The following PAX9 variants were observed in gnomAD, a reference collection of about 807,000 sequenced individuals.
PAX9 encodes paired box protein Pax-9.
Under a neutral mutation model 29.1 loss-of-function variants are expected in PAX9, and 6 were observed. The observed-to-expected ratio is 0.21, with a 90% CI of 0.11 to 0.41. The LOEUF (loss-of-function observed/expected upper bound fraction) is 0.41. Ranked by LOEUF, PAX9 falls within the 10% of genes least tolerant of loss-of-function variation. The pLI, the probability that PAX9 is intolerant of heterozygous loss-of-function variation, is 1.00. For missense variants in PAX9, 443 were observed against 479.1 expected, an observed-to-expected ratio of 0.92 and a Z score of 0.70; for synonymous variants, 217 against 211.7, an observed-to-expected ratio of 1.03 and a Z score of -0.22.
At chr14:36,666,786 A>C (rs546701400) in intron 3 of PAX9, among the ~76,000 whole-genome samples, 185 bp downstream of exon 3, 1 of 152,278 alleles carries the variant, frequency 6.6e-6, no homozygotes, top group East Asian at 1.9e-4. Flanking sequence ...TGGAAGGCGG[A>C]GCTGGGGCCT....
chr14:36,661,137 T>TGCGCTA (rs1302583302), upstream of PAX9, among the ~76,000 whole-genome samples: 1 of 152,264 alleles, frequency 6.6e-6, no homozygotes, highest in East Asian at 1.9e-4. Flanking sequence ...CTTGGGGCTG[T>TGCGCTA]GCGCTAGCGT....
Position 36,663,110 on chromosome 14 carries a change from G to T in PAX9, c.218G>T (p.Gly73Val), listed in dbSNP as rs1264059790. 1.9e-6 allele frequency: 3 copies of T among 1,613,994 alleles called. No individual in the cohort carries two copies. In the Admixed American group the frequency reaches 5.0e-5, roughly 27 times the overall value. ...TGSILPGAIG[G>V]SKPRVTTPTV... ...TCGATCTTGCCAGGAGCCATCGGGGGCAGCAAGCCCCGGGTCACTACCCCC... is the reference window on the plus strand; with the variant it reads ...TCGATCTTGCCAGGAGCCATCGGGGTCAGCAAGCCCCGGGTCACTACCCCC... Residue 73 changes from glycine to valine, a missense_variant, in exon 2 of 4, where the codon GGC becomes GTC. By Grantham distance (109) the Gly-to-Val change is moderately radical. Around this residue, in one of 2 missense-constraint regions of PAX9, gnomAD observed 107 missense variants for 161.9 expected, o/e 0.66. Transcript: ENST00000361487.
rs1435066139 is a variant in PAX9, at chr14:36,679,353, G to GTAA, written c.*2906_*2908dup. On this transcript the variant is annotated 3_prime_UTR_variant, in exon 4 of 4. Coordinates refer to ENST00000361487, the MANE Select transcript of PAX9 (RefSeq NM_001372076.1). ...TTCAAATGCTCTAAATTAATAAAAA[G>GTAA]TAATAATTACCATGTTATCTTTTAC... 1 of 973,068 alleles carries GTAA rather than the reference G, an allele frequency of 1.0e-6. No individual in the cohort carries two copies. The highest frequency in any genetic ancestry group is 1.8e-5 in the African/African-American group (1 of 56,888). 60.3% of individuals were successfully genotyped at this position (973,068 alleles called of 1,614,324 possible). A position where few individuals can be genotyped will look rare whatever the true frequency, so the allele number is the denominator to read the frequency against.
chr14:36,671,151 C>A, intron 3 of PAX9: 1 of 387,108 alleles, frequency 2.6e-6, no homozygotes, highest in South Asian at 1.9e-5. Context: ...AAGGTAAATT[C>A]ATTTTATCAT....
At chr14:36,665,285 C>T (rs879405485) in intron 2 of PAX9, among the ~76,000 whole-genome samples, 13 of 151,232 alleles carry the variant, frequency 8.6e-5, no homozygotes, top group Non-Finnish European at 1.9e-4. Context: ...AAAGGAGCAA[C>T]TTTTCCTTTC....
At chr14:36,659,334 T>C (rs1212612342), upstream of PAX9, among the ~76,000 whole-genome samples, 2 of 152,080 alleles carry the variant, frequency 1.3e-5, no homozygotes, top group Non-Finnish European at 2.9e-5. Flanking sequence ...TTTCTCTGCC[T>C]CAGATCCGTC....
chr14:36,665,065 G>C (rs142646555), intron 2 of PAX9, among the ~76,000 whole-genome samples: 34 of 151,488 alleles, frequency 2.2e-4, no homozygotes, highest in Non-Finnish European at 4.6e-4. Context: ...CCTTTTGTCT[G>C]GGAAGGCAAA....
At chr14:36,671,454 T>G (rs1346684686) in intron 3 of PAX9, among the ~76,000 whole-genome samples, 2 of 152,132 alleles carry the variant, frequency 1.3e-5, no homozygotes, top group Non-Finnish European at 2.9e-5. Context: ...TTCAACAGCT[T>G]TATTCATTTT....
At chr14:36,673,977 G>C (rs896357344) in intron 3 of PAX9, among the ~76,000 whole-genome samples, 1 of 152,172 alleles carries the variant, frequency 6.6e-6, no homozygotes. Context: ...ACCACATACA[G>C]ATGTGAACAC....
At chr14:36,662,811 C>T in intron 1 of PAX9, 86 bp from the exon 2 acceptor site, 2 of 1,521,602 alleles carry the variant, frequency 1.3e-6, no homozygotes, top group Non-Finnish European at 1.8e-6. Flanking sequence ...TTCGCCCAGT[C>T]CCCGGATGCG....
chr14:36,663,301 C>T lies in PAX9; in HGVS notation c.409C>T (p.Gln137Ter), dbSNP rs764595344. 6.2e-7 allele frequency: 1 copy of T among 1,614,172 alleles called. No homozygotes were observed. Among genetic ancestry groups the T allele is most frequent in the South Asian group, 1.1e-5 (1 of 91,086 alleles). The change falls in exon 2 of 4, where the codon CAG becomes TAG. Residue 137 changes from glutamine (Q) to a stop codon, truncating the protein, a stop_gained. Coordinates refer to ENST00000361487, the MANE Select transcript of PAX9 (RefSeq NM_001372076.1). LOFTEE classifies it high-confidence loss of function. ...CAACAAGATCGGCAACTTGGCCCAG[C>T]AGGGTCATTACGACTCATACAAGCA... ...LRNKIGNLAQ[Q>*]GHYDSYKQHQ...
intron 3 of PAX9, among the ~76,000 whole-genome samples, chr14:36,673,020 C>T (rs987338364): frequency 1.3e-5 from 2 of 151,614 alleles, no homozygotes; most frequent in African/African-American, 4.8e-5. Flanking sequence ...CACCTGCCAC[C>T]ACACCCGGCT....
chr14:36,673,749 A>G (rs1260969267), intron 3 of PAX9, among the ~76,000 whole-genome samples: 1 of 152,234 alleles, frequency 6.6e-6, no homozygotes, highest in East Asian at 1.9e-4. Flanking sequence ...TGAAAAATAG[A>G]ACTCGCCAAC....
chr14:36,678,081 C>A lies in PAX9; in HGVS notation c.*1629C>A, dbSNP rs1278348406. The A allele has an allele frequency of 2.9e-5, 5 of 175,344 alleles. No homozygotes were observed. Among genetic ancestry groups the A allele is most frequent in the Admixed American group, 1.2e-4 (2 of 16,482 alleles). 10.9% of individuals were successfully genotyped at this position (175,344 alleles called of 1,614,324 possible). ...ATTCTGTGCAATAACTAAAAGAGCA[C>A]CTCACTGGATATGGATGTTGAAGAT... On this transcript the variant is annotated 3_prime_UTR_variant, in exon 4 of 4. Transcript: ENST00000361487.
chr14:36,662,846 T>TGTCCCAAGCAGCGGGTGCGC, intron 1 of PAX9, 51 bp from the exon 2 acceptor site: 1 of 1,578,274 alleles, frequency 6.3e-7, no homozygotes, highest in Non-Finnish European at 8.6e-7. Flanking sequence ...GGCAGGCAGC[T>TGTCCCAAGCAGCGGGTGCGC]GTCCCAAGCA....
At chr14:36,661,858 T>C, upstream of PAX9, 1 of 619,602 alleles carries the variant, frequency 1.6e-6, no homozygotes, top group Non-Finnish European at 2.9e-6. Flanking sequence ...CCTGCCCTGC[T>C]CAGCCCAGCC....
intron 3 of PAX9, among the ~76,000 whole-genome samples, chr14:36,668,590 T>C (rs1259702033): frequency 2.6e-5 from 4 of 152,134 alleles, no homozygotes; most frequent in Non-Finnish European, 5.9e-5. Flanking sequence ...GGTTTCACCA[T>C]GTTGGCCTGG....
chr14:36,662,860 G>A (rs1453147033), intron 1 of PAX9, 37 bp from the exon 2 acceptor site: 1 of 1,588,380 alleles, frequency 6.3e-7, no homozygotes, highest in African/African-American at 1.3e-5. Context: ...CCAAGCAGCG[G>A]GTGCGCGTCC....
At position 36,663,166 on chromosome 14, in the gene PAX9, C is replaced by A. The variant is rs761722767; in HGVS notation, c.274C>A (p.Gln92Lys). ...GGTGAAACACATCCGGACCTACAAGCAGAGAGACCCCGGCATCTTCGCCTG... is the reference window on the plus strand; with the variant it reads ...GGTGAAACACATCCGGACCTACAAGAAGAGAGACCCCGGCATCTTCGCCTG... ...TVVKHIRTYK[Q>K]RDPGIFAWEI... The change falls in exon 2 of 4, where the codon CAG becomes AAG. Residue 92 changes from glutamine to lysine, a missense_variant. Physicochemically the swap from Gln to Lys is moderately conservative, Grantham distance 53. This residue lies in a region of PAX9 where 107 missense variants were observed against 161.9 expected (regional missense o/e 0.66). Transcript: ENST00000361487. The A allele has an allele frequency of 6.2e-7, 1 of 1,614,100 alleles. No homozygotes were observed.
Sources: gnomAD v4.1 joint callset for allele counts (sites outside exome capture counted in the v4.1 genomes callset) on GRCh38, gnomAD v4.1.1 for gene constraint, gnomAD v4.1.1 regional missense constraint, MANE v1.5 for transcripts, NCBI Gene and HGNC (gene_info 2026-07-23, HGNC 2026-07-21) for gene names.